Variants in NOL7 observed in about 807,000 individuals in gnomAD.
NOL7 encodes the protein U3 small nucleolar RNA-associated protein NOL7.
NOL7 carries 36 observed loss-of-function variants against 38.4 expected under a neutral mutation model. The ratio of observed to expected loss-of-function variants is 0.94; its 90% CI spans 0.72 to 1.24. NOL7 has a LOEUF of 1.24. NOL7 is among the 50% of genes most tolerant of loss of function. The probability of loss-of-function intolerance (pLI) is 0.00; values close to 1 mark genes in which losing one functional copy is unlikely to be tolerated. For synonymous variants in NOL7, 142 were observed against 126.5 expected (o/e 1.12, Z -0.82); for missense variants, 350 against 315.1 (o/e 1.11, Z -0.84).
rs770128577 is a variant in NOL7, at chr6:13,620,789, A to G, written c.736A>G (p.Arg246Gly). 249 of 1,604,964 alleles carry G rather than the reference A, an allele frequency of 1.6e-4. 1 individual carries two copies. The South Asian group carries it at 2.6e-3, about 17-fold the overall frequency. The change falls in exon 8 of 8, where the codon AGA becomes GGA. Residue 246 changes from arginine to glycine, a missense_variant. Arg to Gly is a moderately radical substitution (Grantham distance 125). Transcript: ENST00000451315. Reference protein sequence around the residue: ...QKKQNAKRFKRRWMVRKMKTK... With the variant: ...QKKQNAKRFKGRWMVRKMKTK... ...AAAACAAAATGCCAAGAGGTTTAAA[A>G]GACGGTGGATGGTCAGAAAGATGAA...
chr6:13,629,917 C>CGTG lies in NOL7; in HGVS notation n.574-2476_574-2475insGTG, dbSNP rs1190209601. On this transcript the variant is annotated intron_variant and non_coding_transcript_variant, in intron 8 of 8. Coordinates refer to the NOL7 transcript ENST00000474485. ...TCTGTCTCTCTCTCTCTCTCTCTCT[C>CGTG]TCTCGTGTGTGTGTGTGTGTGTGTG... Among the ~76,000 whole-genome samples, 71 of 124,544 alleles carry CGTG rather than the reference C, an allele frequency of 5.7e-4. 1 individual carries two copies. Among genetic ancestry groups the CGTG allele is most frequent in the African/African-American group, 1.8e-3 (61 of 33,032 alleles). 81.7% of individuals were successfully genotyped at this position (124,544 alleles called of 152,430 possible).
intron 8 of NOL7, among the ~76,000 whole-genome samples, chr6:13,629,137 G>T (rs1764704900): frequency 6.6e-6 from 1 of 152,028 alleles, no homozygotes; most frequent in African/African-American, 2.4e-5. Flanking sequence ...TTGAGACAGG[G>T]TCTTGCTATG....
At chr6:13,615,845 T>C (rs1764267303) in intron 2 of NOL7, 73 bp downstream of exon 2, 5 of 1,463,746 alleles carry the variant, frequency 3.4e-6, no homozygotes, top group Non-Finnish European at 3.7e-6. Flanking sequence ...GGATGTAATT[T>C]GGGTTGGCAG....
At chr6:13,622,402 C>T (rs755238725), downstream of NOL7, 6 of 1,600,602 alleles carry the variant, frequency 3.7e-6, no homozygotes, top group Admixed American at 1.0e-4. Context: ...TGCGCAGGAT[C>T]CAATTCCTGA....
In NOL7 at chr6:13,621,329, C is replaced by T. The variant is rs923969145; in HGVS notation, c.*502C>T. The stretch of plus-strand genomic sequence containing the variant: ...ATTTCCTGTTGCCTTTCTGTGTCAG[C>T]CACAATATCAGGTCTAACCCTAATC... On this transcript the variant is annotated 3_prime_UTR_variant, in exon 8 of 8. Transcript: ENST00000451315. The T allele has an allele frequency of 6.6e-6, 1 of 152,610 alleles. No individual in the cohort carries two copies. The highest frequency in any genetic ancestry group is 6.5e-5 in the Admixed American group (1 of 15,292). The allele number at this position is 152,610 out of a possible 1,614,324, so 9.5% of individuals were successfully genotyped here.
chr6:13,622,546 A>C (rs1764480853), downstream of NOL7: 1 of 1,489,212 alleles, frequency 6.7e-7, no homozygotes, highest in South Asian at 1.3e-5. Context: ...CATTTTAAAA[A>C]ACATTTCAAT....
chr6:13,621,428 T>C lies in NOL7; in HGVS notation c.*601T>C, dbSNP rs1365300474. 1 of 152,652 alleles carries C rather than the reference T, an allele frequency of 6.6e-6. No homozygotes were observed. Among genetic ancestry groups the C allele is most frequent in the Non-Finnish European group, 1.5e-5 (1 of 68,038 alleles). The allele number at this position is 152,652 out of a possible 1,614,324, so 9.5% of individuals were successfully genotyped here. A position where few individuals can be genotyped will look rare whatever the true frequency, so the allele number is the denominator to read the frequency against. On this transcript the variant is annotated 3_prime_UTR_variant, in exon 8 of 8. Transcript: ENST00000451315. ...TAATTGTAGAAACCATTAATTTTAA[T>C]TGCTCTAATTTTCATAGTAATCATA...
In NOL7 at chr6:13,615,709, C is replaced by A. The variant is rs1444623798; in HGVS notation, c.267-3C>A. The A allele has an allele frequency of 6.2e-7, 1 of 1,614,258 alleles. No individual in the cohort carries two copies. Among genetic ancestry groups the A allele is most frequent in the Non-Finnish European group, 8.5e-7 (1 of 1,180,044 alleles). ...TTTGCTGACTTATCACCCTTCCTCC[C>A]AGGGATAAAACGCTCCTGAAGGAGA... On this transcript the variant is annotated splice_region_variant and splice_polypyrimidine_tract_variant and intron_variant, in intron 1 of 7. Transcript: ENST00000451315.
At chr6:13,622,268 A>T, downstream of NOL7, 2 of 1,283,688 alleles carry the variant, frequency 1.6e-6, no homozygotes. Flanking sequence ...CCCAGTACAT[A>T]ATTTAAAAAA....
At chr6:13,624,332 A>T (rs1335678598), downstream of NOL7, among the ~76,000 whole-genome samples, 1 of 152,144 alleles carries the variant, frequency 6.6e-6, no homozygotes. Context: ...AAGTCTCCCT[A>T]TCTAAACTAC....
chr6:13,615,387 G>A lies in NOL7; in HGVS notation c.29G>A (p.Arg10His), dbSNP rs762794506. The A allele has an allele frequency of 6.6e-7, 1 of 1,523,188 alleles. No individual in the cohort carries two copies. The highest frequency in any genetic ancestry group is 8.8e-7 in the Non-Finnish European group (1 of 1,136,976). 94.4% of individuals were successfully genotyped at this position (1,523,188 alleles called of 1,614,324 possible). A position where few individuals can be genotyped will look rare whatever the true frequency, so the allele number is the denominator to read the frequency against. ...GTGCAGCTCCGACCGCGAGCGTCTC[G>A]CGCCCCGGCGTCGGCGGAGGCGATG... MVQLRPRAS[R>H]APASAEAMVD... Residue 10 changes from arginine to histidine, a missense_variant, in exon 1 of 8, where the codon CGC becomes CAC. By Grantham distance (29) the Arg-to-His change is conservative. Transcript: ENST00000451315.
chr6:13,615,435 CGGAGGA>C lies in NOL7; in HGVS notation c.86_91del (p.Glu29_Glu30del). ...ATGGTGGACGAGGGCCAGCTGGCCTCGGAGGAGGAGGAGGCGGAGCACGGGCTGTTG... is the reference window on the plus strand; with the variant it reads ...ATGGTGGACGAGGGCCAGCTGGCCTCGGAGGAGGCGGAGCACGGGCTGTTG... On this transcript the variant is annotated inframe_deletion, in exon 1 of 8. Transcript: ENST00000451315. 6.5e-7 allele frequency: 1 copy of C among 1,548,702 alleles called. No homozygotes were observed. The highest frequency in any genetic ancestry group is 8.7e-7 in the Non-Finnish European group (1 of 1,146,368).
intron 5 of NOL7, 128 bp downstream of exon 5, chr6:13,618,267 G>A (rs183138517): frequency 3.8e-6 from 1 of 263,960 alleles, no homozygotes; most frequent in Admixed American, 5.7e-5. Context: ...TTGAGACGGA[G>A]TCTCGCTCTG....
chr6:13,630,418 C>G (rs888942574), intron 8 of NOL7, among the ~76,000 whole-genome samples: 2 of 151,558 alleles, frequency 1.3e-5, no homozygotes, highest in African/African-American at 4.9e-5. Context: ...GGAGTATAAT[C>G]TTAAATTTTC....
intron 2 of NOL7, 142 bp downstream of exon 2, chr6:13,615,914 C>T (rs1393816955): frequency 2.6e-5 from 23 of 901,698 alleles, no homozygotes; most frequent in East Asian, 2.5e-4. Context: ...GAAAGATGCT[C>T]GGGCCGGGCG....
Position 13,620,470 on chromosome 6 carries a change from T to C in NOL7, c.685T>C (p.Leu229=), listed in dbSNP as rs777875949. ...AGTGAAAAGAGCTGCTGTCCAGTTT[T>C]TGAATAATGCTTGGGGTAAGATCCA... ...LPVKRAAVQF[L]NNAWGIQKKQ... is the part of the protein sequence containing the mutation. The change falls in exon 7 of 8, where the codon TTG becomes CTG. Residue 229 remains leucine, a synonymous_variant. Coordinates refer to ENST00000451315, the MANE Select transcript of NOL7 (RefSeq NM_016167.5). 3.5e-5 allele frequency: 57 copies of C among 1,613,876 alleles called. No homozygotes were observed. The highest frequency in any genetic ancestry group is 4.4e-5 in the Non-Finnish European group (52 of 1,179,934).
At chr6:13,618,818 G>A (rs192655314) in intron 5 of NOL7, among the ~76,000 whole-genome samples, 3 of 152,246 alleles carry the variant, frequency 2.0e-5, no homozygotes, top group East Asian at 1.9e-4. Flanking sequence ...TTGAGCCCAG[G>A]AGGTCGAGGC....
At chr6:13,627,761 G>C (rs145019827) in intron 8 of NOL7, among the ~76,000 whole-genome samples, 3 of 151,378 alleles carry the variant, frequency 2.0e-5, no homozygotes, top group African/African-American at 7.3e-5. Context: ...AAGAAATACT[G>C]AACAATTTTT....
At chr6:13,622,278 A>C, downstream of NOL7, 3 of 1,312,522 alleles carry the variant, frequency 2.3e-6, no homozygotes, top group Non-Finnish European at 2.0e-6. Flanking sequence ...AATTTAAAAA[A>C]TCTAAATTTC....
Sources: gnomAD v4.1 joint callset for allele counts (sites outside exome capture counted in the v4.1 genomes callset) on GRCh38, gnomAD v4.1.1 for gene constraint, MANE v1.5 for transcripts, NCBI Gene and HGNC (gene_info 2026-07-23, HGNC 2026-07-21) for gene names.